Variants in SBF1 observed in about 807,000 individuals in gnomAD.
The protein encoded by SBF1 is SET binding factor 1, also known as myotubularin-related protein 5.
A neutral mutation model predicts 215.8 loss-of-function variants in SBF1; 65 were observed. The observed-to-expected ratio is 0.30, with a 90% CI of 0.25 to 0.37. The LOEUF (loss-of-function observed/expected upper bound fraction) is 0.37. Ranked by LOEUF, SBF1 falls within the 10% of genes least tolerant of loss-of-function variation. The pLI is 1.00. For synonymous variants in SBF1, 1,410 were observed against 1,122.8 expected (o/e 1.26, Z -5.11); for missense variants, 2,634 against 2,667.8 (o/e 0.99, Z 0.28).
chr22:50,471,761 C>T (rs1304433195), intron 1 of SBF1, among the ~76,000 whole-genome samples: 1 of 152,114 alleles, frequency 6.6e-6, no homozygotes, highest in East Asian at 1.9e-4. Flanking sequence ...AGGGTGGAGG[C>T]TGGGAGGCAG....
rs1225525800 is a variant in SBF1 at position 50,466,066 on chromosome 22, C to T, written c.906G>A (p.Val302=). The T allele has an allele frequency of 6.2e-7, 1 of 1,613,854 alleles. No homozygotes were observed. The highest frequency in any genetic ancestry group is 8.5e-7 in the Non-Finnish European group (1 of 1,180,036). Residue 302 remains valine, a synonymous_variant, in exon 9 of 41, where the codon GTG becomes GTA. Coordinates refer to ENST00000380817, the MANE Select transcript of SBF1 (RefSeq NM_002972.4). The part of the protein sequence containing the change: ...FQAETQELLD[V]IVADLDGGTV... Reference sequence around the variant, plus strand: ...TCCCTCCATCCAGATCAGCAACAATCACATCGAGCTGCGGACCAAGGGAGC... The same window carrying T: ...TCCCTCCATCCAGATCAGCAACAATTACATCGAGCTGCGGACCAAGGGAGC...
rs1420541741 is a variant in SBF1, at chr22:50,460,151, C to T, written c.3292G>A (p.Glu1098Lys). ...GGGGTCAGCGTGCTGGGCTCCAGCT[C>T]CTCCGACACTGCACAGGCCGGGCAC... ...DQEDEISVSE[E>K]LEPSTLTPSS... The change falls in exon 26 of 41, where the codon GAG (glutamate) becomes AAG (lysine). Residue 1098 changes from glutamate to lysine, a missense_variant. Glu to Lys is a moderately conservative substitution (Grantham distance 56). Coordinates refer to ENST00000380817, the MANE Select transcript of SBF1 (RefSeq NM_002972.4). 1 of 1,611,480 alleles carries T rather than the reference C, an allele frequency of 6.2e-7. No individual in the cohort carries two copies. Among genetic ancestry groups the T allele is most frequent in the Admixed American group, 1.7e-5 (1 of 60,016 alleles).
chr22:50,459,839 T>C (rs2067426498), intron 26 of SBF1, 113 bp downstream of exon 26: 1 of 1,399,272 alleles, frequency 7.1e-7, no homozygotes, highest in Non-Finnish European at 9.9e-7. Flanking sequence ...CTGCCCGGAG[T>C]CTCCCCCTCC....
intron 31 of SBF1, 48 bp from the exon 32 acceptor site, chr22:50,455,630 G>A (rs2067217184): frequency 2.7e-6 from 4 of 1,481,266 alleles, no homozygotes; most frequent in Non-Finnish European, 2.8e-6. Flanking sequence ...CCGCCCTCCC[G>A]CCTGGCCACT....
Position 50,462,481 on chromosome 22 carries a change from G to C in SBF1, c.2128-8C>G. ...AGGTGCCTCCCCAACCTCCTGCCAC[G>C]GCACCACACGCATGAGCCGGGGCCA... On this transcript the variant is annotated splice_polypyrimidine_tract_variant and splice_region_variant and intron_variant, in intron 18 of 40. Coordinates refer to ENST00000380817, the MANE Select transcript of SBF1 (RefSeq NM_002972.4). The C allele has an allele frequency of 6.2e-7, 1 of 1,612,960 alleles. No homozygotes were observed. Among genetic ancestry groups the C allele is most frequent in the East Asian group, 2.2e-5 (1 of 44,872 alleles).
At position 50,461,710 on chromosome 22, in the gene SBF1, C is replaced by T; in HGVS notation, c.2652G>A (p.Leu884=). The T allele has an allele frequency of 6.2e-7, 1 of 1,608,556 alleles. No homozygotes were observed. The highest frequency in any genetic ancestry group is 8.5e-7 in the Non-Finnish European group (1 of 1,177,812). ...CACCCGGCAGCAGGCGCGGCCGCAGCAGCTTGGGCTGCTCGAAAACAAGAG... is the reference window on the plus strand; with the variant it reads ...CACCCGGCAGCAGGCGCGGCCGCAGTAGCTTGGGCTGCTCGAAAACAAGAG... ...RRLPPIQKPK[L]LRPRLLPGEE... Residue 884 remains leucine (L), a synonymous_variant, in exon 22 of 41, where the codon CTG becomes CTA. Coordinates refer to ENST00000380817, the MANE Select transcript of SBF1 (RefSeq NM_002972.4).
chr22:50,465,013 G>T lies in SBF1; in HGVS notation c.1320C>A (p.Asp440Glu). The change falls in exon 12 of 41, where the codon GAC becomes GAA. Residue 440 changes from aspartate (D) to glutamate (E), a missense_variant. By Grantham distance (45) the Asp-to-Glu change is conservative. Transcript: ENST00000380817. ...SERGVPYRPT[D>E]LFDELVAHEV... ...GGTGGAGGTGCACCTCATCGAACAG[G>T]TCCGTAGGGCGGTATGGGACCCCAC... 6.2e-7 allele frequency: 1 copy of T among 1,613,982 alleles called. No individual in the cohort carries two copies. Among genetic ancestry groups the T allele is most frequent in the Non-Finnish European group, 8.5e-7 (1 of 1,179,950 alleles).
intron 16 of SBF1, 152 bp from the exon 17 acceptor site, chr22:50,463,090 G>A: frequency 4.5e-6 from 5 of 1,118,886 alleles, no homozygotes; most frequent in South Asian, 4.2e-5. Flanking sequence ...TCAATATCAG[G>A]AGACCCCAGG....
rs538970939 is a variant in SBF1, at chr22:50,456,168, G to A, written c.4266+48C>T. 22 of 1,590,084 alleles carry A rather than the reference G, an allele frequency of 1.4e-5. No individual in the cohort carries two copies. In the South Asian group the frequency reaches 1.8e-4, roughly 13 times the overall value. On this transcript the variant is annotated intron_variant, in intron 31 of 40. Coordinates refer to ENST00000380817, the MANE Select transcript of SBF1 (RefSeq NM_002972.4). ...CCCGTCCACTTGGCTCTACCCAAGG[G>A]GAGGGCCCAGCACCAAGGCGGGCAG...
In SBF1 at chr22:50,454,678, A is replaced by G. The variant is rs1308464404; in HGVS notation, c.4877T>C (p.Leu1626Pro). Reference sequence around the variant, plus strand: ...CCAGTCATAGGGAGGGCCCTCGGCCAGCGTCTCCTCAGTGTAGAAGTCCCA... The same window carrying G: ...CCAGTCATAGGGAGGGCCCTCGGCCGGCGTCTCCTCAGTGTAGAAGTCCCA... ...KVWDFYTEET[L>P]AEGPPYDWEL... Residue 1626 changes from leucine (L) to proline (P), a missense_variant, in exon 36 of 41, where the codon CTG becomes CCG. Physicochemically the swap from Leu to Pro is moderately conservative, Grantham distance 98 (BLOSUM62 -3). Coordinates refer to ENST00000380817, the MANE Select transcript of SBF1 (RefSeq NM_002972.4). 6.3e-7 allele frequency: 1 copy of G among 1,575,282 alleles called. No individual in the cohort carries two copies. Among genetic ancestry groups the G allele is most frequent in the Non-Finnish European group, 8.6e-7 (1 of 1,161,484 alleles).
At position 50,465,311 on chromosome 22, in the gene SBF1, C is replaced by T. The variant is rs374854877; in HGVS notation, c.1107G>A (p.Ala369=). ...SLKMQDKELR[A]VFLRLFAQLL... ...GCTGAGCGAACAGCCGCAGGAAGACCGCGCGCAGCTCCTTGTCCTGGGAGA... is the reference window on the plus strand; with the variant it reads ...GCTGAGCGAACAGCCGCAGGAAGACTGCGCGCAGCTCCTTGTCCTGGGAGA... Residue 369 remains alanine (A), a synonymous_variant, in exon 11 of 41, where the codon GCG becomes GCA. Transcript: ENST00000380817. 6.3e-5 allele frequency: 100 copies of T among 1,596,440 alleles called. No individual in the cohort carries two copies. The Middle Eastern group carries it at 8.3e-4, about 13-fold the overall frequency.
In SBF1 at chr22:50,460,418, A is replaced by C. The variant is rs1241912754; in HGVS notation, c.3147-10T>G. ...GTTCCGGGACAGGGTTCTGAGGCCC[A>C]CGAGAGTCAGCAAAGGTGAGAGGAG... On this transcript the variant is annotated splice_polypyrimidine_tract_variant and intron_variant, in intron 24 of 40. Coordinates refer to ENST00000380817, the MANE Select transcript of SBF1 (RefSeq NM_002972.4). 4 of 1,607,476 alleles carry C rather than the reference A, an allele frequency of 2.5e-6. No homozygotes were observed. The highest frequency in any genetic ancestry group is 3.4e-6 in the Non-Finnish European group (4 of 1,175,740).
In SBF1 at chr22:50,460,671, G is replaced by A. The variant is rs752939799; in HGVS notation, c.3009C>T (p.Ser1003=). The A allele has an allele frequency of 1.5e-5, 25 of 1,613,750 alleles. No individual in the cohort carries two copies. Among genetic ancestry groups the A allele is most frequent in the Admixed American group, 3.3e-5 (2 of 60,004 alleles). The change falls in exon 24 of 41, where the codon AGC becomes AGT. Residue 1003 remains serine (S), a synonymous_variant. Transcript: ENST00000380817. Reference sequence around the variant, plus strand: ...GCAGCTGCTTACGGAAGAGCTCGGCGCTGTCAGACCCCACCTCCTCGTCAA... The same window carrying A: ...GCAGCTGCTTACGGAAGAGCTCGGCACTGTCAGACCCCACCTCCTCGTCAA... ...MAFDEEVGSD[S]AELFRKQLHK...
Position 50,446,822 on chromosome 22 carries a change from T to G in SBF1, c.*320A>C. The G allele has an allele frequency of 1.5e-6, 1 of 684,396 alleles. No homozygotes were observed. Among genetic ancestry groups the G allele is most frequent in the Non-Finnish European group, 2.7e-6 (1 of 367,318 alleles). 42.4% of individuals were successfully genotyped at this position (684,396 alleles called of 1,614,324 possible). A position where few individuals can be genotyped will look rare whatever the true frequency, so the allele number is the denominator to read the frequency against. On this transcript the variant is annotated 3_prime_UTR_variant, in exon 41 of 41. Coordinates refer to ENST00000380817, the MANE Select transcript of SBF1 (RefSeq NM_002972.4). Reference sequence around the variant, plus strand: ...ACAGGAGCGTGGCGTTAGTTCTCTCTTTATATAGACTCTGGTTCTAGAAAC... The same window carrying G: ...ACAGGAGCGTGGCGTTAGTTCTCTCGTTATATAGACTCTGGTTCTAGAAAC...
In SBF1 at chr22:50,461,659, G is replaced by A. The variant is rs750851727; in HGVS notation, c.2703C>T (p.Arg901=). ...PGEECVLDGL[R]VYLLPDGREE... ...CACGCCCATCCGGCAGCAGGTAGAC[G>A]CGCAGGCCGTCCAGCACACACTCCT... Residue 901 remains arginine, a synonymous_variant, in exon 22 of 41, where the codon CGC becomes CGT. Transcript: ENST00000380817. The A allele has an allele frequency of 3.0e-5, 48 of 1,610,674 alleles. No individual in the cohort carries two copies. The highest frequency in any genetic ancestry group is 1.6e-4 in the Middle Eastern group (1 of 6,084).
rs560140333 is a variant in SBF1 at position 50,447,759 on chromosome 22, A to G, written c.5364-150T>C. The G allele has an allele frequency of 7.6e-4, 468 of 617,852 alleles. 1 individual carries two copies. In the African/African-American group the frequency reaches 7.9e-3, roughly 10 times the overall value. The allele number at this position is 617,852 out of a possible 1,614,324, so 38.3% of individuals were successfully genotyped here. A position where few individuals can be genotyped will look rare whatever the true frequency, so the allele number is the denominator to read the frequency against. ...CTGACCTAAGCCCAGAGCACTGGCC[A>G]GGGGGCCACAAAGAAGCCTTTGATG... On this transcript the variant is annotated intron_variant, in intron 38 of 40. Transcript: ENST00000380817.
intron 36 of SBF1, 70 bp downstream of exon 36, chr22:50,454,442 C>A: frequency 7.4e-7 from 1 of 1,359,344 alleles, no homozygotes; most frequent in Non-Finnish European, 1.0e-6. Context: ...TACACACACA[C>A]GCACGACCCT....
At position 50,467,870 on chromosome 22, in the gene SBF1, G is replaced by C; in HGVS notation, c.195C>G (p.Phe65Leu). The change falls in exon 3 of 41, where the codon TTC becomes TTG. Residue 65 changes from phenylalanine (F) to leucine (L), a missense_variant. Physicochemically the swap from Phe to Leu is conservative, Grantham distance 22. Coordinates refer to ENST00000380817, the MANE Select transcript of SBF1 (RefSeq NM_002972.4). Reference protein sequence around the residue: ...QLCPERNPPTFFVAVLTDINS... With the variant: ...QLCPERNPPTLFVAVLTDINS... ...TGATGTCGGTGAGGACAGCAACAAA[G>C]AAGGTCGGTGGATTCCTCTCGGGAC... 1 of 1,614,068 alleles carries C rather than the reference G, an allele frequency of 6.2e-7. No individual in the cohort carries two copies.
intron 10 of SBF1, among the ~76,000 whole-genome samples, 166 bp downstream of exon 10, chr22:50,465,597 C>T (rs1235216031): frequency 6.6e-6 from 1 of 152,268 alleles, no homozygotes; most frequent in Non-Finnish European, 1.5e-5. Context: ...CCACTCACGA[C>T]CACCACTCCT....
Sources: gnomAD v4.1 joint callset for allele counts (sites outside exome capture counted in the v4.1 genomes callset) on GRCh38, gnomAD v4.1.1 for gene constraint, MANE v1.5 for transcripts, NCBI Gene and HGNC (gene_info 2026-07-23, HGNC 2026-07-21) for gene names.